FARS2: variants seen among roughly 807,000 people sequenced by gnomAD.
FARS2 encodes the protein phenylalanine--tRNA ligase, mitochondrial.
In FARS2, 40 loss-of-function variants were observed where a neutral mutation model predicts 46.4. That is an observed-to-expected ratio of 0.86 (90% confidence interval 0.67 to 1.12). The LOEUF is 1.12. Ranked by LOEUF, FARS2 falls within the 50% of genes most tolerant of loss-of-function variation. FARS2 has a pLI of 0.00. For missense variants in FARS2, 513 were observed against 567.9 expected, an observed-to-expected ratio of 0.90 and a Z score of 0.98; for synonymous variants, 234 against 214.9, an observed-to-expected ratio of 1.09 and a Z score of -0.78.
At chr6:5,537,435 G>C (rs376696180) in intron 4 of FARS2, among the ~76,000 whole-genome samples, 12 of 150,980 alleles carry the variant, frequency 7.9e-5, no homozygotes, top group African/African-American at 2.9e-4. Flanking sequence ...GCCTCCTCTC[G>C]AGTTGGAGAT....
At chr6:5,623,707 G>T (rs1775887837) in intron 6 of FARS2, among the ~76,000 whole-genome samples, 1 of 136,890 alleles carries the variant, frequency 7.3e-6, no homozygotes, top group African/African-American at 2.9e-5. Context: ...GCGAGACTGT[G>T]TCTCAAAAAA....
chr6:5,689,792 C>A lies in FARS2; in HGVS notation c.1217+76472C>A, dbSNP rs551598534. 9.7e-3 allele frequency among the ~76,000 whole-genome samples: 1,473 copies of A among 151,896 alleles called. 21 individuals are homozygous for A. Among genetic ancestry groups the A allele is most frequent in the African/African-American group, 0.034 (1,389 of 41,408 alleles). ...TCTCGTTGATCTGTCTAATGTTGACCGTGGGGTGTTAAAGTCTCCCATTAT... is the reference window on the plus strand; with the variant it reads ...TCTCGTTGATCTGTCTAATGTTGACAGTGGGGTGTTAAAGTCTCCCATTAT... On this transcript the variant is annotated intron_variant, in intron 6 of 6. Transcript: ENST00000274680.
chr6:5,532,774 T>TAAGAAGAAGAAGAAG (rs1391729088), intron 4 of FARS2, among the ~76,000 whole-genome samples: 233 of 141,468 alleles, frequency 1.6e-3, no homozygotes, highest in African/African-American at 5.6e-3. Flanking sequence ...GTAATAATAA[T>TAAGAAGAAGAAGAAG]AATAATAATA....
intron 6 of FARS2, among the ~76,000 whole-genome samples, chr6:5,698,444 C>G (rs534786885): frequency 5.3e-5 from 8 of 152,284 alleles, no homozygotes; most frequent in African/African-American, 1.7e-4. Context: ...GGCCCCACCT[C>G]CAGCATTGGG....
chr6:5,490,652 G>T (rs542253099), intron 4 of FARS2, among the ~76,000 whole-genome samples: 5 of 152,284 alleles, frequency 3.3e-5, no homozygotes, highest in African/African-American at 1.2e-4. Context: ...TCTGAGCTTA[G>T]GTTGTAAAAT....
At chr6:5,704,100 C>T (rs1758600565) in intron 6 of FARS2, among the ~76,000 whole-genome samples, 2 of 152,182 alleles carry the variant, frequency 1.3e-5, no homozygotes, top group African/African-American at 2.4e-5. Flanking sequence ...TGATGATGGT[C>T]TTAGTCCATG....
intron 6 of FARS2, among the ~76,000 whole-genome samples, chr6:5,707,807 GCCTCGGGGC>G (rs542641346): frequency 1.3e-5 from 2 of 152,318 alleles, no homozygotes; most frequent in East Asian, 3.9e-4. Context: ...TCCCTGGGTA[GCCTCGGGGC>G]CCCAGACAGG....
In FARS2 at chr6:5,643,266, A is replaced by G. The variant is rs890735379; in HGVS notation, c.1217+29946A>G. Among the ~76,000 whole-genome samples, 4 of 152,216 alleles carry G rather than the reference A, an allele frequency of 2.6e-5. No homozygotes were observed. In the South Asian group the frequency reaches 6.2e-4, roughly 24 times the overall value. On this transcript the variant is annotated intron_variant, in intron 6 of 6. Coordinates refer to ENST00000274680, the MANE Select transcript of FARS2 (RefSeq NM_006567.5). The stretch of plus-strand genomic sequence containing the variant: ...CCACCTTTGATCAAAACTCCTTGTT[A>G]TAGTGTTCCCTGTGAAAACGATTTC...
At chr6:5,410,425 G>A (rs1761879552) in intron 3 of FARS2, among the ~76,000 whole-genome samples, 2 of 152,078 alleles carry the variant, frequency 1.3e-5, no homozygotes, top group East Asian at 1.9e-4. Flanking sequence ...GACACCCAAA[G>A]TGCTGGGATT....
At chr6:5,648,295 A>C (rs552702232) in intron 6 of FARS2, among the ~76,000 whole-genome samples, 2 of 152,314 alleles carry the variant, frequency 1.3e-5, no homozygotes, top group East Asian at 3.9e-4. Context: ...CTTCAGAAAC[A>C]GGGCTGGCGT....
intron 4 of FARS2, among the ~76,000 whole-genome samples, chr6:5,446,428 C>T (rs6920035): frequency 0.027 from 4,041 of 152,218 alleles, 178 homozygotes; most frequent in African/African-American, 0.093. Flanking sequence ...TAGAATCAGC[C>T]TTCCCTCTTT....
chr6:5,354,963 C>T (rs1192309704), intron 1 of FARS2, among the ~76,000 whole-genome samples: 1 of 152,052 alleles, frequency 6.6e-6, no homozygotes, highest in Non-Finnish European at 1.5e-5. Flanking sequence ...ATGTCAATGT[C>T]ACTGGTCTTG....
At chr6:5,251,364 C>T in the FARS2 span, among the ~76,000 whole-genome samples, 1 of 152,112 alleles carries the variant, frequency 6.6e-6, no homozygotes, top group Non-Finnish European at 1.5e-5. Context: ...CATTGACTGG[C>T]TAATTTATGA....
chr6:5,437,434 T>C (rs1763586243), intron 4 of FARS2, among the ~76,000 whole-genome samples: 1 of 152,202 alleles, frequency 6.6e-6, no homozygotes, highest in Admixed American at 6.5e-5. Flanking sequence ...TATCAGTTGC[T>C]CAGAAAAGAG....
chr6:5,359,062 T>C (rs1464580747), intron 1 of FARS2, among the ~76,000 whole-genome samples: 1 of 116,184 alleles, frequency 8.6e-6, no homozygotes, highest in Admixed American at 1.1e-4. Context: ...TTTTTTGATA[T>C]GGAGGCTTGC....
chr6:5,344,392 G>A (rs540978052), intron 1 of FARS2, among the ~76,000 whole-genome samples: 5 of 152,272 alleles, frequency 3.3e-5, no homozygotes, highest in African/African-American at 9.6e-5. Context: ...ATTCAGAGTC[G>A]TTGCTGCTGC....
In FARS2 at chr6:5,431,053, G is replaced by A; in HGVS notation, c.785G>A (p.Arg262Lys). The A allele has an allele frequency of 1.2e-6, 2 of 1,613,714 alleles. No homozygotes were observed. Among genetic ancestry groups the A allele is most frequent in the Non-Finnish European group, 1.7e-6 (2 of 1,179,728 alleles). ...GGCAACTTTGCAGAGCTGGAGATAAGATGGGTAGACTGCTACTTCCCTTTT... is the reference window on the plus strand; with the variant it reads ...GGCAACTTTGCAGAGCTGGAGATAAAATGGGTAGACTGCTACTTCCCTTTT... ...AHLFGDELEI[R>K]WVDCYFPFTH... Residue 262 changes from arginine to lysine, a missense_variant, in exon 4 of 7, where the codon AGA (arginine) becomes AAA (lysine). Transcript: ENST00000274680.
chr6:5,285,859 T>G (rs1024408605), intron 1 of FARS2, among the ~76,000 whole-genome samples: 4 of 152,306 alleles, frequency 2.6e-5, no homozygotes, highest in Non-Finnish European at 2.9e-5. Flanking sequence ...GGGTGCTGCT[T>G]CTTTGCACGG....
intron 4 of FARS2, among the ~76,000 whole-genome samples, chr6:5,480,219 G>T (rs931935597): frequency 1.3e-4 from 20 of 152,200 alleles, no homozygotes; most frequent in Non-Finnish European, 2.9e-5. Context: ...AAACGGATGC[G>T]CCAGAAATAA....
Sources: allele counts gnomAD v4.1 joint callset (sites outside exome capture counted in the v4.1 genomes callset), GRCh38; gene constraint gnomAD v4.1.1; transcripts MANE v1.5; gene names NCBI Gene and HGNC (gene_info 2026-07-23, HGNC 2026-07-21).